Variants in SNTG2 observed in about 807,000 individuals in gnomAD.
SNTG2 encodes gamma-2-syntrophin.
SNTG2 carries 74 observed loss-of-function variants against 70.9 expected under a neutral mutation model. The observed-to-expected ratio is 1.04, with a 90% CI of 0.86 to 1.27. The LOEUF (loss-of-function observed/expected upper bound fraction) is 1.27. SNTG2 is among the 50% of genes most tolerant of loss of function. The pLI, the probability that SNTG2 is intolerant of heterozygous loss-of-function variation, is 0.00. For synonymous variants in SNTG2, 278 were observed against 273.8 expected (o/e 1.02, Z -0.15); for missense variants, 717 against 690.7 (o/e 1.04, Z -0.43).
intron 1 of SNTG2, among the ~76,000 whole-genome samples, chr2:967,570 T>A (rs1436419013): frequency 6.6e-6 from 1 of 152,230 alleles, no homozygotes; most frequent in Admixed American, 6.5e-5. Flanking sequence ...GGTCACAATG[T>A]ATCATCTTTT....
chr2:1,081,681 C>T (rs541922547), intron 1 of SNTG2, among the ~76,000 whole-genome samples: 5 of 152,354 alleles, frequency 3.3e-5, no homozygotes, highest in African/African-American at 9.6e-5. Flanking sequence ...GATCCACAGA[C>T]GTCCCGTGAG....
At chr2:1,355,231 CTT>C (rs1660782230) in intron 16 of SNTG2, among the ~76,000 whole-genome samples, 1 of 152,200 alleles carries the variant, frequency 6.6e-6, no homozygotes, top group Non-Finnish European at 1.5e-5. Context: ...GATTTACTCT[CTT>C]AAGTATTTAG....
At chr2:1,111,418 G>A (rs1212799915) in intron 4 of SNTG2, among the ~76,000 whole-genome samples, 3 of 152,188 alleles carry the variant, frequency 2.0e-5, no homozygotes. Flanking sequence ...CAGGGTCCCT[G>A]CTGTTGAGAT....
intron 11 of SNTG2, among the ~76,000 whole-genome samples, chr2:1,240,190 C>T (rs1676955599): frequency 1.3e-5 from 2 of 152,296 alleles, no homozygotes; most frequent in African/African-American, 2.4e-5. Flanking sequence ...GCTTCATTCT[C>T]AGGAGGGCTT....
At chr2:981,046 C>A (rs1171992148) in intron 1 of SNTG2, among the ~76,000 whole-genome samples, 2 of 152,212 alleles carry the variant, frequency 1.3e-5, no homozygotes, top group Non-Finnish European at 2.9e-5. Context: ...AAATTTGAAT[C>A]TTGGCAGGCT....
In SNTG2 at chr2:1,348,816, T is replaced by C. The variant is rs570349315; in HGVS notation, c.1489-18527T>C. Among the ~76,000 whole-genome samples the C allele has an allele frequency of 1.2e-3, 186 of 152,360 alleles. 1 individual carries two copies. The highest frequency in any genetic ancestry group is 2.2e-3 in the Non-Finnish European group (149 of 68,036). ...TTTGACTCTTTTCATTAACAAATTG[T>C]TGTACAGTTGAACAGAAATCAGCTT... On this transcript the variant is annotated intron_variant, in intron 16 of 16. Transcript: ENST00000308624.
chr2:1,160,321 G>C (rs141186735), intron 6 of SNTG2: 1 of 152,102 alleles, frequency 6.6e-6, no homozygotes, highest in African/African-American at 2.4e-5. Context: ...TGTCTCTGAG[G>C]TGTCAAACTA....
chr2:1,073,135 G>A (rs748454547), intron 1 of SNTG2, among the ~76,000 whole-genome samples: 8 of 152,218 alleles, frequency 5.3e-5, no homozygotes, highest in African/African-American at 7.2e-5. Flanking sequence ...AGAATATTCC[G>A]TGAGCTTAGT....
intron 9 of SNTG2, among the ~76,000 whole-genome samples, chr2:1,226,813 A>G (rs1377644757): frequency 6.6e-6 from 1 of 152,126 alleles, no homozygotes; most frequent in Non-Finnish European, 1.5e-5. Flanking sequence ...TTATTTTTAT[A>G]GACAATAAAT....
intron 1 of SNTG2, among the ~76,000 whole-genome samples, chr2:1,072,352 T>C (rs201045291): frequency 0.037 from 5,426 of 145,548 alleles, 233 homozygotes; most frequent in South Asian, 0.16. Flanking sequence ...TCTTTTTCTT[T>C]TTTTTTTTTT....
chr2:1,166,186 A>G (rs547131647), intron 7 of SNTG2, among the ~76,000 whole-genome samples: 30 of 152,304 alleles, frequency 2.0e-4, no homozygotes, highest in African/African-American at 7.2e-4. Context: ...TCATGGCTTT[A>G]TAAAGGTTGG....
intron 1 of SNTG2, among the ~76,000 whole-genome samples, chr2:981,560 T>C (rs1303698637): frequency 6.6e-6 from 1 of 151,818 alleles, no homozygotes. Context: ...CACACACACA[T>C]GCCTGCACAC....
At position 951,077 on chromosome 2, in the gene SNTG2, G is replaced by T. The variant is rs947328364; in HGVS notation, c.72+9G>T. ...TGCTGGTACCTGCGCGGGTGAGTGCGGCCCCTCAGCGCCCCTTCACCTCCG... is the reference window on the plus strand; with the variant it reads ...TGCTGGTACCTGCGCGGGTGAGTGCTGCCCCTCAGCGCCCCTTCACCTCCG... On this transcript the variant is annotated intron_variant, in intron 1 of 16. Transcript: ENST00000308624. 2 of 1,246,370 alleles carry T rather than the reference G, an allele frequency of 1.6e-6. No individual in the cohort carries two copies. Among genetic ancestry groups the T allele is most frequent in the South Asian group, 7.2e-5 (2 of 27,854 alleles). The allele number at this position is 1,246,370 out of a possible 1,614,324, so 77.2% of individuals were successfully genotyped here.
At chr2:1,349,902 C>T (rs1660488973) in intron 16 of SNTG2, among the ~76,000 whole-genome samples, 1 of 152,196 alleles carries the variant, frequency 6.6e-6, no homozygotes, top group Non-Finnish European at 1.5e-5. Flanking sequence ...CTTAAGTCAT[C>T]TAAGACTCAC....
In SNTG2 at chr2:981,514, ACT is replaced by A. The variant is rs201331102; in HGVS notation, c.72+30448_72+30449del. 7.6e-3 allele frequency among the ~76,000 whole-genome samples: 1,163 copies of A among 152,220 alleles called. 18 individuals are homozygous for A. Among genetic ancestry groups the A allele is most frequent in the African/African-American group, 0.026 (1,095 of 41,514 alleles). On this transcript the variant is annotated intron_variant, in intron 1 of 16. Transcript: ENST00000308624. ...GCACATGTGTCCTACACATGCAAGC[ACT>A]CACACATGTTCCAAACTCATGAGCA...
At chr2:1,038,137 T>A (rs1661235712) in intron 1 of SNTG2, among the ~76,000 whole-genome samples, 1 of 152,192 alleles carries the variant, frequency 6.6e-6, no homozygotes, top group Non-Finnish European at 1.5e-5. Flanking sequence ...GTCAGAGGTG[T>A]TTGCTTAACT....
intron 1 of SNTG2, among the ~76,000 whole-genome samples, chr2:1,047,357 C>T (rs1037083064): frequency 1.3e-5 from 2 of 152,176 alleles, no homozygotes; most frequent in African/African-American, 4.8e-5. Context: ...TCATTTCAGC[C>T]ATTTCATTCT....
At chr2:1,110,817 T>C (rs1216960168) in intron 4 of SNTG2, among the ~76,000 whole-genome samples, 1 of 152,258 alleles carries the variant, frequency 6.6e-6, no homozygotes, top group Admixed American at 6.5e-5. Flanking sequence ...AATATATAAG[T>C]CAGATACTAT....
At chr2:1,170,540 G>A (rs959934763) in intron 7 of SNTG2, among the ~76,000 whole-genome samples, 14 of 152,144 alleles carry the variant, frequency 9.2e-5, no homozygotes, top group Non-Finnish European at 1.6e-4. Flanking sequence ...GAGGATCTCC[G>A]TCTGCGCCGG....
Sources: allele counts gnomAD v4.1 joint callset (sites outside exome capture counted in the v4.1 genomes callset), GRCh38; gene constraint gnomAD v4.1.1; transcripts MANE v1.5; gene names NCBI Gene and HGNC (gene_info 2026-07-23, HGNC 2026-07-21).